Variants in ERBB4 observed in about 807,000 individuals in gnomAD.
ERBB4 encodes erb-b2 receptor tyrosine kinase 4.
A neutral mutation model predicts 158.0 loss-of-function variants in ERBB4; 42 were observed. The ratio of observed to expected loss-of-function variants is 0.27; its 90% CI spans 0.21 to 0.34. The LOEUF (loss-of-function observed/expected upper bound fraction) is 0.34, where lower values mean the gene tolerates loss of function less well. Among genes scored for constraint, ERBB4 ranks in the 10% least tolerant of loss-of-function variants. ERBB4 has a pLI of 1.00. For missense variants in ERBB4, 1,333 were observed against 1,624.1 expected, an observed-to-expected ratio of 0.82 and a Z score of 3.08; for synonymous variants, 583 against 558.7, an observed-to-expected ratio of 1.04 and a Z score of -0.61.
At chr2:212,168,978 A>C (rs1252143000) in intron 1 of ERBB4, among the ~76,000 whole-genome samples, 2 of 152,154 alleles carry the variant, frequency 1.3e-5, no homozygotes. Flanking sequence ...TGAGATAAAC[A>C]ATTTTACCTA....
intron 2 of ERBB4, among the ~76,000 whole-genome samples, chr2:212,022,381 A>G (rs1406522707): frequency 6.6e-6 from 1 of 152,170 alleles, no homozygotes; most frequent in Non-Finnish European, 1.5e-5. Flanking sequence ...TGTCATTTGC[A>G]GGGACGTGGA....
intron 1 of ERBB4, among the ~76,000 whole-genome samples, chr2:212,404,805 C>T (rs2091300852): frequency 6.6e-6 from 1 of 152,046 alleles, no homozygotes; most frequent in Admixed American, 6.6e-5. Context: ...TCCTCCCACT[C>T]TCCACTCTCA....
chr2:212,242,064 AT>A (rs2084128448), intron 1 of ERBB4, among the ~76,000 whole-genome samples: 1 of 151,986 alleles, frequency 6.6e-6, no homozygotes, highest in Middle Eastern at 4.0e-3. Flanking sequence ...ATGAATAATC[AT>A]CATCATATTG....
chr2:212,048,894 A>AC (rs2077327829), intron 2 of ERBB4, among the ~76,000 whole-genome samples: 1 of 152,200 alleles, frequency 6.6e-6, no homozygotes, highest in African/African-American at 2.4e-5. Context: ...AAATAAGGAG[A>AC]GGAAGTCCTA....
chr2:212,097,259 AAAAGTGTGCCATTACAATTT>A (rs2078958980), intron 2 of ERBB4, among the ~76,000 whole-genome samples: 1 of 152,090 alleles, frequency 6.6e-6, no homozygotes, highest in Non-Finnish European at 1.5e-5. Flanking sequence ...GGGAGAGGGG[AAAAGTGTGCCATTACAATTT>A]AGGAAGGCAT....
chr2:212,235,262 G>A (rs1480196557), intron 1 of ERBB4, among the ~76,000 whole-genome samples: 2 of 152,052 alleles, frequency 1.3e-5, no homozygotes, highest in African/African-American at 4.8e-5. Flanking sequence ...CTTTTATCAG[G>A]TTTGTCAAAG....
chr2:211,481,526 T>C (rs1429571045), intron 20 of ERBB4, among the ~76,000 whole-genome samples: 2 of 134,364 alleles, frequency 1.5e-5, no homozygotes, highest in East Asian at 4.1e-4. Context: ...GCTGGAAATC[T>C]TTTTTTTTTT....
intron 19 of ERBB4, among the ~76,000 whole-genome samples, chr2:211,579,104 G>GAA (rs1288834821): frequency 6.6e-6 from 1 of 151,814 alleles, no homozygotes; most frequent in African/African-American, 2.4e-5. Flanking sequence ...AATTTTACAA[G>GAA]AAAAAAACAA....
intron 19 of ERBB4, among the ~76,000 whole-genome samples, chr2:211,589,538 T>G (rs538798052): frequency 6.6e-6 from 1 of 152,324 alleles, no homozygotes; most frequent in South Asian, 2.1e-4. Context: ...TCTTCTTCAT[T>G]TTCCGTAACA....
At chr2:211,420,402 T>C in intron 25 of ERBB4, 39 bp downstream of exon 25, 1 of 1,394,424 alleles carries the variant, frequency 7.2e-7, no homozygotes, top group Non-Finnish European at 1.0e-6. Flanking sequence ...ATTTTATATC[T>C]CAGAAAGAAT....
Position 212,335,187 on chromosome 2 carries a change from G to A in ERBB4, c.82+203262C>T, listed in dbSNP as rs142200900. ...GTAGAGTCAGAGGTTATATTTAAAC[G>A]ATAAAGGTTCTAAAATTGTATAAAG... On this transcript the variant is annotated intron_variant, in intron 1 of 27. Coordinates refer to ENST00000342788, the MANE Select transcript of ERBB4 (RefSeq NM_005235.3). Among the ~76,000 whole-genome samples the A allele has an allele frequency of 7.3e-3, 1,116 of 151,860 alleles. 18 individuals carry two copies. The highest frequency in any genetic ancestry group is 0.025 in the African/African-American group (1,033 of 41,494).
At chr2:212,037,782 G>T (rs2077049389) in intron 2 of ERBB4, among the ~76,000 whole-genome samples, 1 of 152,178 alleles carries the variant, frequency 6.6e-6, no homozygotes, top group Non-Finnish European at 1.5e-5. Context: ...AAGGAACGTT[G>T]TAAATCTAAT....
At chr2:211,924,976 C>T (rs1016945722) in intron 3 of ERBB4, among the ~76,000 whole-genome samples, 3 of 152,122 alleles carry the variant, frequency 2.0e-5, no homozygotes, top group Non-Finnish European at 4.4e-5. Context: ...AGTAAAGTGT[C>T]TGAGCTCCAG....
At chr2:211,545,019 A>G (rs1281575730) in intron 20 of ERBB4, among the ~76,000 whole-genome samples, 1 of 152,062 alleles carries the variant, frequency 6.6e-6, no homozygotes, top group African/African-American at 2.4e-5. Context: ...CAACTCCTAC[A>G]CAAAGGACCT....
At chr2:211,618,729 C>T (rs1265061335) in intron 19 of ERBB4, among the ~76,000 whole-genome samples, 1 of 152,044 alleles carries the variant, frequency 6.6e-6, no homozygotes, top group Non-Finnish European at 1.5e-5. Context: ...TGACTTATTA[C>T]CACCACCACA....
intron 4 of ERBB4, among the ~76,000 whole-genome samples, chr2:211,776,949 G>A (rs1298675104): frequency 6.6e-6 from 1 of 152,114 alleles, no homozygotes; most frequent in Non-Finnish European, 1.5e-5. Context: ...GTAGCTGTTG[G>A]AGCGTTCGTG....
In ERBB4 at chr2:211,941,913, A is replaced by G. The variant is rs2080510703; in HGVS notation, c.421+5517T>C. 2.0e-5 allele frequency among the ~76,000 whole-genome samples: 3 copies of G among 152,116 alleles called. 1 individual carries two copies. The highest frequency in any genetic ancestry group is 6.5e-5 in the Admixed American group (1 of 15,272). Reference sequence around the variant, plus strand: ...CCCAATGTGAAAGATGCTTTAATTGACAAGTTCCCTGCTTTCTTTCTTTAA... The same window carrying G: ...CCCAATGTGAAAGATGCTTTAATTGGCAAGTTCCCTGCTTTCTTTCTTTAA... On this transcript the variant is annotated intron_variant, in intron 3 of 27. Coordinates refer to ENST00000342788, the MANE Select transcript of ERBB4 (RefSeq NM_005235.3).
intron 3 of ERBB4, among the ~76,000 whole-genome samples, chr2:211,817,334 G>T (rs900083851): frequency 6.6e-6 from 1 of 152,188 alleles, no homozygotes; most frequent in Non-Finnish European, 1.5e-5. Context: ...ATAGAGCGGA[G>T]TACCTTCTTG....
intron 2 of ERBB4, among the ~76,000 whole-genome samples, chr2:212,051,860 C>T (rs1246567063): frequency 2.0e-5 from 3 of 152,132 alleles, no homozygotes; most frequent in African/African-American, 7.2e-5. Flanking sequence ...TCTTAAATTA[C>T]ACCACACAGA....
Sources: allele counts gnomAD v4.1 joint callset (sites outside exome capture counted in the v4.1 genomes callset), GRCh38; gene constraint gnomAD v4.1.1; transcripts MANE v1.5; gene names NCBI Gene and HGNC (gene_info 2026-07-23, HGNC 2026-07-21).